Variants in EIF4E2 observed in about 807,000 individuals in gnomAD.
The protein encoded by EIF4E2 is eukaryotic translation initiation factor 4E family member 2, also known as eukaryotic translation initiation factor 4E type 2.
A neutral mutation model predicts 34.2 loss-of-function variants in EIF4E2; 13 were observed. The ratio of observed to expected loss-of-function variants is 0.38; its 90% CI spans 0.25 to 0.60. EIF4E2 has a LOEUF of 0.60. EIF4E2 is among the 20% of genes least tolerant of loss of function. The probability of loss-of-function intolerance (pLI) is 0.62; values close to 1 mark genes in which losing one functional copy is unlikely to be tolerated. For missense variants in EIF4E2, 222 were observed against 315.1 expected (o/e 0.70, Z 2.24); for synonymous variants, 100 against 106.6 (o/e 0.94, Z 0.38).
At chr2:232,575,846 A>G (rs1370902725) in intron 6 of EIF4E2, among the ~76,000 whole-genome samples, 1 of 152,070 alleles carries the variant, frequency 6.6e-6, no homozygotes, top group Non-Finnish European at 1.5e-5. Flanking sequence ...TATTTCTAAG[A>G]TTTTTTTGGC....
At chr2:232,553,435 C>T (rs1692415506) in intron 1 of EIF4E2, among the ~76,000 whole-genome samples, 1 of 151,734 alleles carries the variant, frequency 6.6e-6, no homozygotes, top group Admixed American at 6.6e-5. Context: ...TTTTTTATGC[C>T]ACTGTCTGAT....
chr2:232,550,770 G>A lies in EIF4E2; in HGVS notation c.20+26G>A, dbSNP rs760515301. ...GTGAGTGGCTCGTGGCCGCCCCCGG[G>A]GCCCCTTCCCCGAACAGTTCCCCCG... On this transcript the variant is annotated intron_variant, in intron 1 of 6. Coordinates refer to ENST00000258416, the MANE Select transcript of EIF4E2 (RefSeq NM_004846.4). The A allele has an allele frequency of 3.7e-5, 57 of 1,556,316 alleles. No homozygotes were observed. In the Admixed American group the frequency reaches 1.1e-3, roughly 30 times the overall value.
intron 6 of EIF4E2, among the ~76,000 whole-genome samples, chr2:232,575,580 G>C (rs946972915): frequency 1.3e-5 from 2 of 152,102 alleles, no homozygotes; most frequent in Non-Finnish European, 2.9e-5. Flanking sequence ...GGGCAATATA[G>C]TAAGACCCTT....
chr2:232,580,833 T>G, intron 6 of EIF4E2: 1 of 1,362,310 alleles, frequency 7.3e-7, no homozygotes, highest in South Asian at 1.3e-5. Context: ...AGCATCCCCC[T>G]GTATATGTGT....
At chr2:232,564,883 G>A (rs755820644) in intron 4 of EIF4E2, among the ~76,000 whole-genome samples, 2 of 152,186 alleles carry the variant, frequency 1.3e-5, no homozygotes, top group Non-Finnish European at 2.9e-5. Flanking sequence ...TTTAAAGACT[G>A]TTTTATGACT....
chr2:232,565,770 G>A (rs1692900416), intron 4 of EIF4E2, among the ~76,000 whole-genome samples: 1 of 152,110 alleles, frequency 6.6e-6, no homozygotes, highest in African/African-American at 2.4e-5. Flanking sequence ...ATCCTTGGCT[G>A]TCTCTTCTAC....
chr2:232,565,836 G>A (rs1474502014), intron 4 of EIF4E2, among the ~76,000 whole-genome samples: 1 of 151,978 alleles, frequency 6.6e-6, no homozygotes, highest in African/African-American at 2.4e-5. Context: ...GCTCACTCCT[G>A]TAATCCCAGC....
intron 6 of EIF4E2, among the ~76,000 whole-genome samples, chr2:232,580,119 C>T (rs938960833): frequency 1.1e-3 from 158 of 146,650 alleles, no homozygotes; most frequent in Non-Finnish European, 1.9e-3. Context: ...CACACACACA[C>T]ACACACACAC....
In EIF4E2 at chr2:232,581,043, G is replaced by A. The variant is rs777819210; in HGVS notation, c.*100G>A. ...TCCTTCCATTGCTCACTGAAGGGACGTCCCTGAGCCGTGCGCTCTCCTTTT... is the reference window on the plus strand; with the variant it reads ...TCCTTCCATTGCTCACTGAAGGGACATCCCTGAGCCGTGCGCTCTCCTTTT... On this transcript the variant is annotated 3_prime_UTR_variant, in exon 7 of 7. Coordinates refer to the EIF4E2 transcript ENST00000409098. This position sits in a 1 kb window ranked among gnomAD's most constrained non-coding sequence, Gnocchi z 5.2. 46 of 1,213,324 alleles carry A rather than the reference G, an allele frequency of 3.8e-5. No homozygotes were observed. Among genetic ancestry groups the A allele is most frequent in the East Asian group, 2.5e-4 (10 of 39,320 alleles). 75.2% of individuals were successfully genotyped at this position (1,213,324 alleles called of 1,614,324 possible).
rs1207582890 is a variant in EIF4E2, at chr2:232,580,799, G to GGAGA, written c.666-104_666-101dup. ...TGAAGAAGGCCCCGGGATATGTCAT[G>GGAGA]GAGACCCCGAGGGCTGATGAGTCAG... On this transcript the variant is annotated intron_variant, in intron 6 of 6. Transcript: ENST00000409098. 3.9e-6 allele frequency: 4 copies of GGAGA among 1,032,846 alleles called. No homozygotes were observed. The East Asian group carries it at 7.8e-5, about 20-fold the overall frequency. The allele number at this position is 1,032,846 out of a possible 1,614,324, so 64.0% of individuals were successfully genotyped here.
At chr2:232,574,401 T>G in intron 6 of EIF4E2, 1 of 1,511,174 alleles carries the variant, frequency 6.6e-7, no homozygotes, top group Non-Finnish European at 9.0e-7. Context: ...ATAGGACCCC[T>G]CTTCCCATTT....
At chr2:232,551,564 C>T (rs1692329515) in intron 1 of EIF4E2, among the ~76,000 whole-genome samples, 1 of 152,218 alleles carries the variant, frequency 6.6e-6, no homozygotes, top group Non-Finnish European at 1.5e-5. Context: ...CACTTACCAT[C>T]TGTTTGACTG....
At chr2:232,561,367 G>A (rs12694906) in intron 3 of EIF4E2, among the ~76,000 whole-genome samples, 71,842 of 151,788 alleles carry the variant, frequency 0.47, 17,226 homozygotes, top group Middle Eastern at 0.62. Flanking sequence ...AATTGTACGA[G>A]GAGGGTTTTT....
intron 1 of EIF4E2, among the ~76,000 whole-genome samples, chr2:232,555,799 T>C (rs1293155390): frequency 6.6e-6 from 1 of 152,222 alleles, no homozygotes; most frequent in Non-Finnish European, 1.5e-5. Context: ...TACATTTTGC[T>C]GTACTTTATC....
exon 7 of EIF4E2, chr2:232,582,138 G>A (rs191174844): frequency 6.5e-6 from 1 of 152,752 alleles, no homozygotes; most frequent in East Asian, 1.9e-4. Context: ...AGTCACAAGA[G>A]CACCTAGGAT....
chr2:232,568,328 T>C (rs1405928333), intron 6 of EIF4E2: 2 of 985,312 alleles, frequency 2.0e-6, no homozygotes, highest in African/African-American at 1.7e-5. Flanking sequence ...GTGGGAACAC[T>C]GCTATGGGCG....
chr2:232,555,776 T>C (rs760719158), intron 1 of EIF4E2, among the ~76,000 whole-genome samples: 5 of 152,234 alleles, frequency 3.3e-5, no homozygotes, highest in South Asian at 2.1e-4. Context: ...AGGAGTCAGA[T>C]TCTAGAGGAT....
downstream of EIF4E2, among the ~76,000 whole-genome samples, chr2:232,571,965 A>G (rs1693102690): frequency 6.6e-6 from 1 of 152,212 alleles, no homozygotes; most frequent in Non-Finnish European, 1.5e-5. Context: ...GGTAGGGGGA[A>G]GTGTAGAATT....
At chr2:232,558,208 A>G in intron 3 of EIF4E2, 190 bp downstream of exon 3, 1 of 601,484 alleles carries the variant, frequency 1.7e-6, no homozygotes. Flanking sequence ...GCATGTAGGT[A>G]TCAACAAATA....
Sources: allele counts gnomAD v4.1 joint callset (sites outside exome capture counted in the v4.1 genomes callset), GRCh38; gene constraint gnomAD v4.1.1; non-coding constraint Gnocchi (gnomAD v3.1); transcripts MANE v1.5; gene names NCBI Gene and HGNC (gene_info 2026-07-23, HGNC 2026-07-21).